Variants in CCDC91 observed in about 807,000 individuals in gnomAD.
The protein encoded by CCDC91 is coiled-coil domain containing 91.
Under a neutral mutation model 63.2 loss-of-function variants are expected in CCDC91, and 48 were observed. That is an observed-to-expected ratio of 0.76 (90% CI 0.60 to 0.97). The LOEUF is 0.97. Among genes scored for constraint, CCDC91 ranks in the 50% least tolerant of loss-of-function variants. The probability of loss-of-function intolerance (pLI) is 0.00; values close to 1 mark genes in which losing one functional copy is unlikely to be tolerated. For synonymous variants in CCDC91, 167 were observed against 165.8 expected (o/e 1.01, Z -0.06); for missense variants, 500 against 494.6 (o/e 1.01, Z -0.10).
At chr12:28,406,704 CA>C (rs1230769482) in intron 8 of CCDC91, among the ~76,000 whole-genome samples, 4 of 152,086 alleles carry the variant, frequency 2.6e-5, no homozygotes, top group Non-Finnish European at 5.9e-5. Context: ...AACTCAATAT[CA>C]AAAGAGGTTT....
At chr12:28,297,908 G>A (rs1406209614) in intron 3 of CCDC91, among the ~76,000 whole-genome samples, 9 of 151,546 alleles carry the variant, frequency 5.9e-5, no homozygotes, top group African/African-American at 1.5e-4. Context: ...GTATACCATC[G>A]TTACTATAAA....
chr12:28,454,251 T>G (rs946122081), intron 11 of CCDC91, among the ~76,000 whole-genome samples: 46 of 152,286 alleles, frequency 3.0e-4, no homozygotes, highest in African/African-American at 1.1e-3. Flanking sequence ...TTCTATGCAT[T>G]AGAAATAACA....
intron 8 of CCDC91, among the ~76,000 whole-genome samples, chr12:28,411,725 C>T (rs1189544510): frequency 6.6e-6 from 1 of 152,170 alleles, no homozygotes; most frequent in Non-Finnish European, 1.5e-5. Flanking sequence ...ATTTTCCTAT[C>T]ACCTAGTGAC....
At chr12:28,299,379 ACATT>A (rs1372653095) in intron 3 of CCDC91, among the ~76,000 whole-genome samples, 2 of 151,458 alleles carry the variant, frequency 1.3e-5, no homozygotes, top group Non-Finnish European at 3.0e-5. Flanking sequence ...TACACTGAGG[ACATT>A]CAATCAAAAT....
chr12:28,530,347 A>C (rs1261258640), intron 12 of CCDC91, among the ~76,000 whole-genome samples: 1 of 152,210 alleles, frequency 6.6e-6, no homozygotes, highest in African/African-American at 2.4e-5. Flanking sequence ...GAGGCCTCCA[A>C]CCTTCATCCA....
chr12:28,400,731 G>A (rs566885592), intron 8 of CCDC91, among the ~76,000 whole-genome samples: 6 of 152,146 alleles, frequency 3.9e-5, no homozygotes, highest in African/African-American at 1.4e-4. Flanking sequence ...CACTAGATAT[G>A]CTAAATCATC....
intron 1 of CCDC91, among the ~76,000 whole-genome samples, chr12:28,212,332 A>G (rs1223135910): frequency 6.6e-6 from 1 of 152,240 alleles, no homozygotes; most frequent in Non-Finnish European, 1.5e-5. Context: ...TGGTGGCCAC[A>G]TGGTGGAAGA....
At chr12:28,315,153 G>GTATA (rs10630087) in intron 6 of CCDC91, among the ~76,000 whole-genome samples, 5,041 of 147,970 alleles carry the variant, frequency 0.034, 95 homozygotes, top group Middle Eastern at 0.11. Context: ...TGTGTCAGTT[G>GTATA]TATATATATA....
chr12:28,323,442 A>G (rs1291075228), intron 6 of CCDC91, among the ~76,000 whole-genome samples: 1 of 151,748 alleles, frequency 6.6e-6, no homozygotes, highest in African/African-American at 2.4e-5. Context: ...AAATTTCCAT[A>G]TATACTTAGA....
rs1207465026 is a variant in CCDC91 at position 28,267,788 on chromosome 12, TTA to T, written c.109+8353_109+8354del. ...ATATAATTATATTATTAATATATAA[TTA>T]TATATAATTATATAGTAATATATAA... is the stretch of plus-strand genomic sequence containing the variant. On this transcript the variant is annotated intron_variant, in intron 3 of 12. Transcript: ENST00000536442. 2.2e-4 allele frequency among the ~76,000 whole-genome samples: 17 copies of T among 78,658 alleles called. 2 individuals carry two copies. Among genetic ancestry groups the T allele is most frequent in the Admixed American group, 7.1e-4 (3 of 4,228 alleles). 51.6% of individuals were successfully genotyped at this position (78,658 alleles called of 152,430 possible). A position where few individuals can be genotyped will look rare whatever the true frequency, so the allele number is the denominator to read the frequency against.
chr12:28,210,160 C>T (rs1943131835), intron 1 of CCDC91, among the ~76,000 whole-genome samples: 1 of 152,158 alleles, frequency 6.6e-6, no homozygotes, highest in African/African-American at 2.4e-5. Context: ...GGGAACTTGG[C>T]TAATTCCATA....
intron 1 of CCDC91, among the ~76,000 whole-genome samples, chr12:28,249,650 A>G (rs1945990981): frequency 6.6e-6 from 1 of 152,140 alleles, no homozygotes; most frequent in African/African-American, 2.4e-5. Context: ...CTTTGCATGC[A>G]CACTAAATTT....
At chr12:28,373,776 G>A (rs189186130) in intron 7 of CCDC91, among the ~76,000 whole-genome samples, 21 of 152,216 alleles carry the variant, frequency 1.4e-4, no homozygotes, top group African/African-American at 5.1e-4. Flanking sequence ...TACATGTCGT[G>A]ACAGGGACTC....
chr12:28,531,803 G>A (rs535298629), intron 12 of CCDC91, among the ~76,000 whole-genome samples: 1 of 152,210 alleles, frequency 6.6e-6, no homozygotes, highest in Non-Finnish European at 1.5e-5. Context: ...CTAGCCTTTG[G>A]AAATACAGAA....
chr12:28,501,668 C>G (rs1391505796), intron 12 of CCDC91, among the ~76,000 whole-genome samples: 3 of 151,680 alleles, frequency 2.0e-5, no homozygotes, highest in Non-Finnish European at 2.9e-5. Context: ...CTAAAATTCT[C>G]TTTTTTGGTT....
chr12:28,538,693 CA>C (rs1209179386), intron 12 of CCDC91, among the ~76,000 whole-genome samples: 1 of 152,134 alleles, frequency 6.6e-6, no homozygotes, highest in Non-Finnish European at 1.5e-5. Context: ...CTGACTTCCA[CA>C]ATGGTTGAAC....
intron 8 of CCDC91, among the ~76,000 whole-genome samples, chr12:28,432,976 T>C (rs1272544137): frequency 2.6e-5 from 4 of 152,106 alleles, no homozygotes; most frequent in African/African-American, 9.7e-5. Context: ...AAATGTGATG[T>C]GAAACATCTT....
rs572198054 is a variant in CCDC91, at chr12:28,530,281, C to T, written c.1216-18782C>T. Among the ~76,000 whole-genome samples the T allele has an allele frequency of 1.8e-4, 27 of 152,358 alleles. No homozygotes were observed. The South Asian group carries it at 2.7e-3, about 15-fold the overall frequency. On this transcript the variant is annotated intron_variant, in intron 12 of 12. Coordinates refer to ENST00000536442, the MANE Select transcript of CCDC91 (RefSeq NM_018318.5). Reference sequence around the variant, plus strand: ...AACCAGCCACTATGCTGTGAGAAAACTCAAACTAGCGTATGAGAGAGGATC... The same window carrying T: ...AACCAGCCACTATGCTGTGAGAAAATTCAAACTAGCGTATGAGAGAGGATC...
intron 6 of CCDC91, among the ~76,000 whole-genome samples, chr12:28,356,190 G>T (rs1335549912): frequency 6.6e-6 from 1 of 152,124 alleles, no homozygotes; most frequent in African/African-American, 2.4e-5. Flanking sequence ...CTATGGGAAA[G>T]ACTTCTGTTG....
Sources: allele counts gnomAD v4.1 joint callset (sites outside exome capture counted in the v4.1 genomes callset), GRCh38; gene constraint gnomAD v4.1.1; transcripts MANE v1.5; gene names NCBI Gene and HGNC (gene_info 2026-07-23, HGNC 2026-07-21).